Variants in RNF128 observed in about 807,000 individuals in gnomAD.
RNF128 encodes the protein E3 ubiquitin-protein ligase RNF128.
A neutral mutation model predicts 26.2 loss-of-function variants in RNF128; 13 were observed. That is an observed-to-expected ratio of 0.50 (90% confidence interval 0.32 to 0.79). The LOEUF is 0.79. Among genes scored for constraint, RNF128 ranks in the 30% least tolerant of loss-of-function variants. RNF128 has a pLI of 0.03. For synonymous variants in RNF128, 149 were observed against 142.5 expected (o/e 1.05, Z -0.32); for missense variants, 315 against 349.7 (o/e 0.90, Z 0.79).
Position 106,795,583 on chromosome X carries a change from A to G in RNF128, c.1157A>G (p.Glu386Gly), listed in dbSNP as rs1209326970. 1 of 1,185,171 alleles carries G rather than the reference A, an allele frequency of 8.4e-7. No individual in the cohort carries two copies. The change falls in exon 7 of 7, where the codon GAA becomes GGA. Residue 386 changes from glutamate to glycine, a missense_variant. Coordinates refer to ENST00000255499, the MANE Select transcript of RNF128 (RefSeq NM_194463.2). Reference protein sequence around the residue: ...PLEEHVQSTNESLQLVNHEAN... With the variant: ...PLEEHVQSTNGSLQLVNHEAN... The stretch of plus-strand genomic sequence containing the variant: ...AAATTGCTATTTCTTTTTAAAGATG[A>G]AAGTCTACAGCTGGTAAACCATGAA...
chrX:106,785,139 A>G lies in RNF128; in HGVS notation c.804+3A>G. The G allele has an allele frequency of 8.7e-7, 1 of 1,154,045 alleles. No homozygotes were observed. On this transcript the variant is annotated splice_donor_region_variant and intron_variant, in intron 3 of 6. Transcript: ENST00000255499. ...GCACACTGAAACAAGGAGACAAGGT[A>G]CATTCATGACTTTTAAATGCTATTT...
chrX:106,791,435 A>C (rs1362702085), intron 6 of RNF128, among the ~76,000 whole-genome samples: 3 of 111,710 alleles, frequency 2.7e-5, no homozygotes, highest in Non-Finnish European at 5.7e-5. Context: ...GATGAAATGC[A>C]TCAGAGTGGG....
rs754734053 is a variant in RNF128, at chrX:106,747,368, T to C, written c.484+19971T>C. Among the ~76,000 whole-genome samples the C allele has an allele frequency of 1.1e-4, 12 of 112,025 alleles. No individual in the cohort carries two copies. In the South Asian group the frequency reaches 4.4e-3, roughly 41 times the overall value. On this transcript the variant is annotated intron_variant, in intron 1 of 6. Coordinates refer to ENST00000255499, the MANE Select transcript of RNF128 (RefSeq NM_194463.2). The stretch of plus-strand genomic sequence containing the variant: ...ATCAGTTTTTCTCATCAGATACTTT[T>C]AGCAAATTAAGGACTTTTTTCTTTT...
chrX:106,730,957 A>G (rs1031143345), intron 1 of RNF128, among the ~76,000 whole-genome samples: 6 of 111,646 alleles, frequency 5.4e-5, no homozygotes, highest in Non-Finnish European at 9.4e-5. Context: ...TGCTCTGCCA[A>G]TTAGTATTTT....
At chrX:106,765,416 A>C (rs1370518187) in intron 1 of RNF128, among the ~76,000 whole-genome samples, 2 of 111,790 alleles carry the variant, frequency 1.8e-5, no homozygotes, top group Non-Finnish European at 3.8e-5. Flanking sequence ...TTATACCCTT[A>C]ATTTGAAAAT....
chrX:106,769,945 G>A (rs1358601108), intron 1 of RNF128, among the ~76,000 whole-genome samples: 2 of 111,142 alleles, frequency 1.8e-5, no homozygotes, highest in African/African-American at 6.6e-5. Flanking sequence ...GGCAGGCCTG[G>A]TGGTGACAAA....
rs763515253 is a variant in RNF128 at position 106,777,923 on chromosome X, T to C, written c.732+4763T>C. On this transcript the variant is annotated intron_variant, in intron 2 of 6. Transcript: ENST00000255499. The stretch of plus-strand genomic sequence containing the variant: ...AGGCAGAGGTTGCAGTGAGCCGAGA[T>C]CATGCCACTGCTCTCCAGCCTGGGT... 6.3e-5 allele frequency among the ~76,000 whole-genome samples: 7 copies of C among 111,756 alleles called. No individual in the cohort carries two copies. In the South Asian group the frequency reaches 2.7e-3, roughly 42 times the overall value.
At chrX:106,785,985 A>G (rs1459028672) in intron 3 of RNF128, among the ~76,000 whole-genome samples, 1 of 111,929 alleles carries the variant, frequency 8.9e-6, no homozygotes, top group Non-Finnish European at 1.9e-5. Context: ...TGTTGTTAAG[A>G]TGTCGGTTCC....
intron 1 of RNF128, among the ~76,000 whole-genome samples, chrX:106,720,667 T>C (rs1253631747): frequency 9.0e-6 from 1 of 111,401 alleles, no homozygotes; most frequent in Non-Finnish European, 1.9e-5. Flanking sequence ...TATAGCAGAA[T>C]GAAAACAGCA....
At chrX:106,773,215 G>T in intron 2 of RNF128, 55 bp downstream of exon 2, 1 of 1,094,815 alleles carries the variant, frequency 9.1e-7, no homozygotes. Flanking sequence ...TCTAATTGTA[G>T]TTTCAGGGTC....
At chrX:106,761,742 C>T (rs1930123374) in intron 1 of RNF128, among the ~76,000 whole-genome samples, 1 of 110,700 alleles carries the variant, frequency 9.0e-6, no homozygotes, top group Admixed American at 9.7e-5. Context: ...CTGTCCTCTG[C>T]TTATCTATGT....
chrX:106,727,202 A>T lies in RNF128; in HGVS notation c.289A>T (p.Asn97Tyr). ...PDGPGALNACNPHTNFTVPTV... is the reference protein window; with the variant it reads ...PDGPGALNACYPHTNFTVPTV... ...CGGGCCCGGGGCGCTTAACGCCTGT[A>T]ACCCGCACACGAATTTCACGGTGCC... is the stretch of plus-strand genomic sequence containing the variant. The change falls in exon 1 of 7, where the codon AAC becomes TAC. Residue 97 changes from asparagine (N) to tyrosine (Y), a missense_variant. Asn to Tyr is a moderately radical substitution (Grantham distance 143). Transcript: ENST00000255499. The T allele has an allele frequency of 8.3e-7, 1 of 1,211,511 alleles. No individual in the cohort carries two copies. Among genetic ancestry groups the T allele is most frequent in the South Asian group, 1.8e-5 (1 of 56,951 alleles).
chrX:106,782,588 A>G (rs1930585080), intron 2 of RNF128, among the ~76,000 whole-genome samples: 1 of 112,407 alleles, frequency 8.9e-6, no homozygotes, highest in Admixed American at 9.5e-5. Flanking sequence ...CCTTTTGAAT[A>G]AGTTATTTTA....
chrX:106,764,691 CAACAAA>C (rs1186290058), intron 1 of RNF128, among the ~76,000 whole-genome samples: 1 of 111,397 alleles, frequency 9.0e-6, no homozygotes, highest in Non-Finnish European at 1.9e-5. Context: ...ACAACAACAA[CAACAAA>C]AACCAACTTA....
At chrX:106,758,997 T>TA (rs769411265) in intron 1 of RNF128, among the ~76,000 whole-genome samples, 1 of 111,651 alleles carries the variant, frequency 9.0e-6, no homozygotes, top group Non-Finnish European at 1.9e-5. Flanking sequence ...TAGAAGAGAC[T>TA]ACCCATAGAA....
At chrX:106,708,682 T>C (rs1316367872) in intron 1 of RNF128, among the ~76,000 whole-genome samples, 1 of 112,203 alleles carries the variant, frequency 8.9e-6, no homozygotes, top group East Asian at 2.8e-4. Flanking sequence ...GCAGTGCTTC[T>C]TTTTGGCATC....
At chrX:106,750,017 A>G (rs1285715684) in intron 1 of RNF128, among the ~76,000 whole-genome samples, 1 of 112,617 alleles carries the variant, frequency 8.9e-6, no homozygotes, top group African/African-American at 3.2e-5. Context: ...AGACTAGGTA[A>G]GTTCAGTAGT....
chrX:106,763,753 G>A (rs1398076093), intron 1 of RNF128, among the ~76,000 whole-genome samples: 1 of 110,941 alleles, frequency 9.0e-6, no homozygotes, highest in Non-Finnish European at 1.9e-5. Context: ...TGATCCGCCC[G>A]CCTCCTCGGC....
intron 1 of RNF128, among the ~76,000 whole-genome samples, chrX:106,718,517 T>C (rs902650868): frequency 9.1e-6 from 1 of 110,382 alleles, no homozygotes; most frequent in Non-Finnish European, 1.9e-5. Flanking sequence ...AGAAAAAATG[T>C]ACCTCCCCCC....
Sources: gnomAD v4.1 joint callset for allele counts (sites outside exome capture counted in the v4.1 genomes callset) on GRCh38, gnomAD v4.1.1 for gene constraint, MANE v1.5 for transcripts, NCBI Gene and HGNC (gene_info 2026-07-23, HGNC 2026-07-21) for gene names.